Variants in INTS9 observed in about 807,000 individuals in gnomAD.
INTS9 encodes the protein protein related to CPSF subunits of 74 kDa.
In INTS9, 55 loss-of-function variants were observed where a neutral mutation model predicts 79.7. The ratio of observed to expected loss-of-function variants is 0.69; its 90% CI spans 0.56 to 0.86. The LOEUF is 0.86. Among genes scored for constraint, INTS9 ranks in the 40% least tolerant of loss-of-function variants. The pLI, the probability that INTS9 is intolerant of heterozygous loss-of-function variation, is 0.00. For missense variants in INTS9, 721 were observed against 831.5 expected, an observed-to-expected ratio of 0.87 and a Z score of 1.64; for synonymous variants, 319 against 325.2, an observed-to-expected ratio of 0.98 and a Z score of 0.20.
At chr8:28,779,063 C>T (rs1423459228) in intron 12 of INTS9, among the ~76,000 whole-genome samples, 1 of 152,174 alleles carries the variant, frequency 6.6e-6, no homozygotes, top group East Asian at 1.9e-4. Flanking sequence ...AACATTTGTA[C>T]TAAAGGCCAG....
intron 8 of INTS9, chr8:28,797,049 C>T (rs1804261568): frequency 5.9e-6 from 1 of 168,352 alleles, no homozygotes; most frequent in South Asian, 1.5e-4. Flanking sequence ...GGCTCTCAAG[C>T]TTCATGAGTC....
At chr8:28,878,992 A>G (rs1403526186) in intron 1 of INTS9, among the ~76,000 whole-genome samples, 1 of 145,860 alleles carries the variant, frequency 6.9e-6, no homozygotes, top group East Asian at 2.0e-4. Context: ...AAAAAAAAAA[A>G]TTAAAGAGGA....
chr8:28,850,440 A>C (rs1038271391), intron 2 of INTS9, among the ~76,000 whole-genome samples, 167 bp from the exon 3 acceptor site: 3 of 150,708 alleles, frequency 2.0e-5, no homozygotes, highest in Non-Finnish European at 4.4e-5. Flanking sequence ...TGTTGTATCA[A>C]GCTTAAAAAT....
chr8:28,787,197 G>A (rs1436017905), intron 11 of INTS9, among the ~76,000 whole-genome samples: 1 of 152,136 alleles, frequency 6.6e-6, no homozygotes, highest in Non-Finnish European at 1.5e-5. Flanking sequence ...AACAAAGCTA[G>A]GTATTCAGCT....
chr8:28,785,980 C>T (rs1563249833), intron 11 of INTS9, among the ~76,000 whole-genome samples: 1 of 152,152 alleles, frequency 6.6e-6, no homozygotes. Flanking sequence ...CTCAGAAATC[C>T]CTCTTTGTCC....
chr8:28,848,186 A>T (rs76343401), intron 3 of INTS9, among the ~76,000 whole-genome samples: 2,527 of 152,298 alleles, frequency 0.017, 42 homozygotes, highest in Non-Finnish European at 0.025. Context: ...TGAAACCAGT[A>T]AAAGACAGAA....
chr8:28,835,208 G>T, intron 6 of INTS9, 84 bp downstream of exon 6: 1 of 821,832 alleles, frequency 1.2e-6, no homozygotes, highest in Non-Finnish European at 2.0e-6. Flanking sequence ...CATTGTTTAA[G>T]CATAGAGGAA....
intron 1 of INTS9, among the ~76,000 whole-genome samples, chr8:28,884,107 G>C (rs532287756): frequency 4.8e-5 from 7 of 145,538 alleles, no homozygotes; most frequent in African/African-American, 1.7e-4. Context: ...ATTGACCATA[G>C]GTAAGCCAGA....
At chr8:28,780,747 G>A in intron 12 of INTS9, 76 bp downstream of exon 12, 1 of 1,562,182 alleles carries the variant, frequency 6.4e-7, no homozygotes, top group Non-Finnish European at 8.7e-7. Context: ...CCTTCCCTGG[G>A]TCTCTACCTT....
intron 4 of INTS9, among the ~76,000 whole-genome samples, chr8:28,841,295 T>C (rs1807169072): frequency 1.3e-5 from 2 of 152,146 alleles, no homozygotes; most frequent in Admixed American, 6.5e-5. Flanking sequence ...CTACCTCCCC[T>C]AGCATCATTT....
chr8:28,851,906 T>C (rs913390110), intron 2 of INTS9, among the ~76,000 whole-genome samples: 1 of 152,148 alleles, frequency 6.6e-6, no homozygotes, highest in African/African-American at 2.4e-5. Context: ...AGAATACCAT[T>C]TCATACTAGA....
chr8:28,881,353 G>C (rs1489732316), intron 1 of INTS9, among the ~76,000 whole-genome samples: 1 of 126,394 alleles, frequency 7.9e-6, no homozygotes, highest in African/African-American at 3.0e-5. Flanking sequence ...GGTGAGGGGC[G>C]CCTCTGCCCG....
At position 28,777,968 on chromosome 8, in the gene INTS9, A is replaced by G. The variant is rs1802995090; in HGVS notation, c.1271-15T>C. On this transcript the variant is annotated splice_polypyrimidine_tract_variant and intron_variant, in intron 12 of 16. Coordinates refer to ENST00000521022, the MANE Select transcript of INTS9 (RefSeq NM_018250.4). ...GAAGTCTGGTTCTAGGGAAAGTACA[A>G]GAAAGAAATCTTACAATGCAGACTA... 6.3e-7 allele frequency: 1 copy of G among 1,598,706 alleles called. No individual in the cohort carries two copies. The highest frequency in any genetic ancestry group is 1.4e-5 in the African/African-American group (1 of 73,990).
At position 28,768,087 on chromosome 8, in the gene INTS9, T is replaced by C; in HGVS notation, c.*59A>G. 1 of 1,534,996 alleles carries C rather than the reference T, an allele frequency of 6.5e-7. No individual in the cohort carries two copies. Among genetic ancestry groups the C allele is most frequent in the Non-Finnish European group, 9.0e-7 (1 of 1,112,042 alleles). Reference sequence around the variant, plus strand: ...CCTCTCATGCCACTCCTCAGGTGGCTTGTGAGGGCAGCCAGTGAGGGACTG... The same window carrying C: ...CCTCTCATGCCACTCCTCAGGTGGCCTGTGAGGGCAGCCAGTGAGGGACTG... On this transcript the variant is annotated 3_prime_UTR_variant, in exon 17 of 17. Coordinates refer to ENST00000521022, the MANE Select transcript of INTS9 (RefSeq NM_018250.4).
chr8:28,857,494 T>C (rs1808240235), intron 2 of INTS9, among the ~76,000 whole-genome samples: 1 of 151,944 alleles, frequency 6.6e-6, no homozygotes, highest in Admixed American at 6.5e-5. Flanking sequence ...GAAAAACGAA[T>C]TGAGAGAAGG....
At chr8:28,816,783 G>T (rs1445418902) in intron 6 of INTS9, among the ~76,000 whole-genome samples, 7 of 149,242 alleles carry the variant, frequency 4.7e-5, no homozygotes, top group Non-Finnish European at 1.0e-4. Context: ...GTGTAAAAGT[G>T]TTCCTATTTC....
intron 2 of INTS9, among the ~76,000 whole-genome samples, chr8:28,857,135 A>C (rs1808214920): frequency 6.6e-6 from 1 of 152,142 alleles, no homozygotes; most frequent in African/African-American, 2.4e-5. Context: ...AGGGGCACTT[A>C]AGTTGCTTCC....
intron 8 of INTS9, among the ~76,000 whole-genome samples, chr8:28,808,718 T>G (rs1377211521): frequency 6.6e-6 from 1 of 152,228 alleles, no homozygotes; most frequent in Admixed American, 6.5e-5. Flanking sequence ...TTCTTTCTTT[T>G]CTGAAGACAG....
intron 3 of INTS9, among the ~76,000 whole-genome samples, chr8:28,849,436 G>A (rs550908773): frequency 6.6e-6 from 1 of 151,706 alleles, no homozygotes; most frequent in African/African-American, 2.4e-5. Flanking sequence ...ATTTATTTTA[G>A]GTGTAGTCAG....
Sources: allele counts gnomAD v4.1 joint callset (sites outside exome capture counted in the v4.1 genomes callset), GRCh38; gene constraint gnomAD v4.1.1; transcripts MANE v1.5; gene names NCBI Gene and HGNC (gene_info 2026-07-23, HGNC 2026-07-21).